NDUFAB1: variants seen among roughly 807,000 people sequenced by gnomAD.
NDUFAB1 encodes NADH:ubiquinone oxidoreductase subunit AB1, also known as acyl carrier protein, mitochondrial.
A neutral mutation model predicts 16.1 loss-of-function variants in NDUFAB1; 5 were observed. The ratio of observed to expected loss-of-function variants is 0.31; its 90% confidence interval spans 0.16 to 0.65. The LOEUF (loss-of-function observed/expected upper bound fraction) is 0.65. Ranked by LOEUF, NDUFAB1 falls within the 30% of genes least tolerant of loss-of-function variation. NDUFAB1 has a pLI of 0.77. For missense variants in NDUFAB1, 187 were observed against 205.3 expected (o/e 0.91, Z 0.54); for synonymous variants, 85 against 78.4 (o/e 1.08, Z -0.44).
At chr16:23,582,157 T>C (rs1966184724) in intron 4 of NDUFAB1, 119 bp downstream of exon 4, 1 of 1,253,796 alleles carries the variant, frequency 8.0e-7, no homozygotes, top group Admixed American at 3.8e-5. Flanking sequence ...GGGCTTGCAT[T>C]TTATAAGTAG....
At position 23,587,213 on chromosome 16, in the gene NDUFAB1, T is replaced by C; in HGVS notation, c.275A>G (p.Lys92Arg). 1 of 1,613,778 alleles carries C rather than the reference T, an allele frequency of 6.2e-7. No homozygotes were observed. The highest frequency in any genetic ancestry group is 8.5e-7 in the Non-Finnish European group (1 of 1,179,876). The change falls in exon 2 of 5, where the codon AAG becomes AGG. Residue 92 changes from lysine (K) to arginine (R), a missense_variant. Physicochemically the swap from Lys to Arg is conservative, Grantham distance 26 (BLOSUM62 2). This residue lies in a region of NDUFAB1 where 135 missense variants were observed against 129.4 expected (regional missense o/e 1.04). Coordinates refer to ENST00000007516, the MANE Select transcript of NDUFAB1 (RefSeq NM_005003.3). ...ATCAGTTACCTTCTCTGGGTCAATC[T>C]TGTCATAGAGTTTCAATACGTAAAG... Reference protein sequence around the residue: ...RVLYVLKLYDKIDPEKLSVNS... With the variant: ...RVLYVLKLYDRIDPEKLSVNS...
At chr16:23,587,391 G>C (rs1258049177) in intron 1 of NDUFAB1, 72 bp from the exon 2 acceptor site, 1 of 1,565,550 alleles carries the variant, frequency 6.4e-7, no homozygotes, top group Non-Finnish European at 8.6e-7. Flanking sequence ...CAAGCCTATA[G>C]GTAACTTTCA....
intron 1 of NDUFAB1, chr16:23,595,784 T>C: frequency 2.0e-6 from 1 of 493,322 alleles, no homozygotes; most frequent in Non-Finnish European, 3.7e-6. Context: ...CTAGCCGCAT[T>C]AACTCATCTA....
At chr16:23,588,509 A>C (rs1051688307) in intron 1 of NDUFAB1, among the ~76,000 whole-genome samples, 6 of 152,184 alleles carry the variant, frequency 3.9e-5, no homozygotes, top group African/African-American at 1.4e-4. Context: ...TACCTCCTGA[A>C]GTTGATTTTA....
chr16:23,586,997 C>T (rs1017353272), intron 2 of NDUFAB1, among the ~76,000 whole-genome samples, 200 bp downstream of exon 2: 65 of 152,272 alleles, frequency 4.3e-4, no homozygotes, highest in Admixed American at 1.1e-3. Context: ...AATATACACA[C>T]GTGTGTATAC....
At chr16:23,593,653 C>T (rs192448445) in intron 1 of NDUFAB1, among the ~76,000 whole-genome samples, 3 of 152,294 alleles carry the variant, frequency 2.0e-5, no homozygotes, top group African/African-American at 7.2e-5. Flanking sequence ...TCTGGAAGCC[C>T]ACTGGAGGTG....
chr16:23,590,638 CTTTT>C (rs398042088), intron 1 of NDUFAB1, among the ~76,000 whole-genome samples: 1 of 131,828 alleles, frequency 7.6e-6, no homozygotes, highest in African/African-American at 2.9e-5. Context: ...CCTCTGGTCT[CTTTT>C]TTTTTTTTTT....
intron 3 of NDUFAB1, among the ~76,000 whole-genome samples, chr16:23,582,794 C>T (rs1261485955): frequency 6.7e-6 from 1 of 148,974 alleles, no homozygotes; most frequent in Non-Finnish European, 1.5e-5. Flanking sequence ...TCTCCCTCTC[C>T]CTCTCCCTCT....
At chr16:23,582,135 G>A in intron 4 of NDUFAB1, 141 bp downstream of exon 4, 1 of 1,066,818 alleles carries the variant, frequency 9.4e-7, no homozygotes, top group Non-Finnish European at 1.3e-6. Context: ...TTGAGTGGCA[G>A]ACAACAGGAA....
At position 23,584,048 on chromosome 16, in the gene NDUFAB1, A is replaced by G. The variant is rs373209456; in HGVS notation, c.379+1288T>C. 3.6e-3 allele frequency among the ~76,000 whole-genome samples: 541 copies of G among 151,668 alleles called. 5 individuals are homozygous for G. Among genetic ancestry groups the G allele is most frequent in the African/African-American group, 0.012 (508 of 41,330 alleles). On this transcript the variant is annotated intron_variant, in intron 3 of 4. Coordinates refer to ENST00000007516, the MANE Select transcript of NDUFAB1 (RefSeq NM_005003.3). ...GCAAGATGTGCTTTGTTAAACAGATACTTGAAGGCAGCATGCTTGTTAAGA... is the reference window on the plus strand; with the variant it reads ...GCAAGATGTGCTTTGTTAAACAGATGCTTGAAGGCAGCATGCTTGTTAAGA...
chr16:23,586,582 C>T (rs1446844879), intron 2 of NDUFAB1, among the ~76,000 whole-genome samples: 1 of 152,162 alleles, frequency 6.6e-6, no homozygotes, highest in Non-Finnish European at 1.5e-5. Flanking sequence ...ATCCACTCGC[C>T]TCGGCCTCCC....
intron 1 of NDUFAB1, among the ~76,000 whole-genome samples, chr16:23,589,012 G>C (rs1966256362): frequency 6.6e-6 from 1 of 151,900 alleles, no homozygotes; most frequent in South Asian, 2.1e-4. Flanking sequence ...ATTAAAATCA[G>C]GTTTAGGCTG....
chr16:23,587,351 T>A, intron 1 of NDUFAB1, 32 bp from the exon 2 acceptor site: 1 of 1,610,262 alleles, frequency 6.2e-7, no homozygotes, highest in Non-Finnish European at 8.5e-7. Flanking sequence ...AACACTGTCA[T>A]TGAATGGAAA....
chr16:23,584,490 G>C (rs1273046060), intron 3 of NDUFAB1, among the ~76,000 whole-genome samples: 1 of 151,494 alleles, frequency 6.6e-6, no homozygotes, highest in Non-Finnish European at 1.5e-5. Context: ...ATGATGGTTG[G>C]GTTTTTATAA....
At chr16:23,591,080 G>A (rs1677234889) in intron 1 of NDUFAB1, 1 of 152,084 alleles carries the variant, frequency 6.6e-6, no homozygotes, top group Admixed American at 6.6e-5. Context: ...GGAAGGTTAG[G>A]TATCCTCCTC....
intron 4 of NDUFAB1, 126 bp downstream of exon 4, chr16:23,582,150 C>T: frequency 8.3e-7 from 1 of 1,209,714 alleles, no homozygotes; most frequent in Non-Finnish European, 1.1e-6. Context: ...CAGGAAAGGG[C>T]TTGCATTTTA....
intron 3 of NDUFAB1, among the ~76,000 whole-genome samples, chr16:23,583,424 CCACCA>C (rs1966200570): frequency 6.6e-6 from 1 of 151,398 alleles, no homozygotes. Context: ...CTCTTCCCGG[CCACCA>C]TCCCGTCTAG....
chr16:23,583,387 C>T (rs892798571), intron 3 of NDUFAB1, among the ~76,000 whole-genome samples: 4 of 151,748 alleles, frequency 2.6e-5, no homozygotes, highest in Admixed American at 2.6e-4. Flanking sequence ...CTCTGCCCGG[C>T]TGCCCAGTCT....
chr16:23,584,915 AG>A (rs1319859477), intron 3 of NDUFAB1, among the ~76,000 whole-genome samples: 1 of 152,258 alleles, frequency 6.6e-6, no homozygotes, highest in Non-Finnish European at 1.5e-5. Context: ...TAGGAGACCA[AG>A]GCCAGAGGCT....
Sources: allele counts gnomAD v4.1 joint callset (sites outside exome capture counted in the v4.1 genomes callset), GRCh38; gene constraint gnomAD v4.1.1; regional missense constraint gnomAD v4.1.1; transcripts MANE v1.5; gene names NCBI Gene and HGNC (gene_info 2026-07-23, HGNC 2026-07-21).